The following PRAM1 variants were observed in gnomAD, a reference collection of about 807,000 sequenced individuals.
The protein encoded by PRAM1 is PML-RARA-regulated adapter molecule 1.
In PRAM1, 41 loss-of-function variants were observed where a neutral mutation model predicts 55.3. The ratio of observed to expected loss-of-function variants is 0.74; its 90% CI spans 0.58 to 0.96. PRAM1 has a LOEUF of 0.96. PRAM1 is among the 40% of genes least tolerant of loss of function. The pLI is 0.00. For missense variants in PRAM1, 898 were observed against 892.7 expected (o/e 1.01, Z -0.08); for synonymous variants, 401 against 387.1 (o/e 1.04, Z -0.42).
chr19:8,498,313 G>A, intron 2 of PRAM1, 24 bp from the exon 3 acceptor site: 1 of 1,607,472 alleles, frequency 6.2e-7, no homozygotes, highest in Admixed American at 1.7e-5. Flanking sequence ...AGTAGGGCAG[G>A]GAAGCCGGCA....
chr19:8,499,678 G>T lies in PRAM1; in HGVS notation c.130C>A (p.Leu44Met). ...KKPPKPEFGK[L>M]KKFSQPELSE... ...AGCTCAGGCTGGGAGAACTTCTTCA[G>T]TTTACCAAACTCAGGCTTCGGAGGT... Residue 44 changes from leucine to methionine, a missense_variant, in exon 2 of 10, where the codon CTG (leucine) becomes ATG (methionine). Leu to Met is a conservative substitution (Grantham distance 15). Transcript: ENST00000423345. 6.2e-7 allele frequency: 1 copy of T among 1,613,856 alleles called. No homozygotes were observed. Among genetic ancestry groups the T allele is most frequent in the Non-Finnish European group, 8.5e-7 (1 of 1,179,838 alleles).
intron 4 of PRAM1, 49 bp from the exon 5 acceptor site, chr19:8,491,206 CTTTACCCTGGTAGCT>C (rs895414091): frequency 1.3e-6 from 2 of 1,560,724 alleles, no homozygotes; most frequent in African/African-American, 2.7e-5. Context: ...CCGGCTCAGC[CTTTACCCTGGTAGCT>C]GTTTTTTGTT....
chr19:8,495,000 C>T (rs1166943846), intron 4 of PRAM1, among the ~76,000 whole-genome samples: 8 of 151,370 alleles, frequency 5.3e-5, no homozygotes, highest in East Asian at 3.9e-4. Context: ...AGTGCAGCGG[C>T]GCGATGTCAG....
At chr19:8,497,435 C>T (rs1568315934) in intron 4 of PRAM1, among the ~76,000 whole-genome samples, 1 of 152,136 alleles carries the variant, frequency 6.6e-6, no homozygotes, top group Admixed American at 6.6e-5. Flanking sequence ...CTTGGCCTCA[C>T]AAAGCCCTGG....
rs1183932125 is a variant in PRAM1 at position 8,490,780 on chromosome 19, T to C, written c.1744-24A>G. 1 of 1,607,170 alleles carries C rather than the reference T, an allele frequency of 6.2e-7. No homozygotes were observed. Among genetic ancestry groups the C allele is most frequent in the South Asian group, 1.1e-5 (1 of 91,074 alleles). ...AACTGGGGCGCGAGATGTTAGGGCC[T>C]CTGCTTGTGCTGCCGCCCTTGGGCC... On this transcript the variant is annotated intron_variant, in intron 6 of 9. Coordinates refer to ENST00000423345, the MANE Select transcript of PRAM1 (RefSeq NM_032152.5). The surrounding 1 kb of genome is among the most constrained non-coding windows in gnomAD (Gnocchi z 7.3).
Position 8,490,699 on chromosome 19 carries a change from G to A in PRAM1, c.1801C>T (p.Arg601Cys), listed in dbSNP as rs566406955. The A allele has an allele frequency of 5.6e-6, 9 of 1,609,876 alleles. No individual in the cohort carries two copies. Among genetic ancestry groups the A allele is most frequent in the South Asian group, 5.5e-5 (5 of 90,586 alleles). ...CCGAGGTGCTTGCCACCCCCGCGAC[G>A]TGTCTTAGCGTTGGGGTCGATCATC... is the stretch of plus-strand genomic sequence containing the variant. ...KMMIDPNAKT[R>C]RGGGKHLGIR... The change falls in exon 7 of 10, where the codon CGT (arginine) becomes TGT (cysteine). Residue 601 changes from arginine to cysteine, a missense_variant. Around this residue, in one of 4 missense-constraint regions of PRAM1, gnomAD observed 787 missense variants for 735.4 expected, o/e 1.07. Coordinates refer to ENST00000423345, the MANE Select transcript of PRAM1 (RefSeq NM_032152.5). This position sits in a 1 kb window ranked among gnomAD's most constrained non-coding sequence, Gnocchi z 7.3.
At chr19:8,494,229 T>G (rs1276248269) in intron 4 of PRAM1, among the ~76,000 whole-genome samples, 3 of 152,120 alleles carry the variant, frequency 2.0e-5, no homozygotes, top group African/African-American at 7.2e-5. Flanking sequence ...GCTCCTAGCC[T>G]CGGAAGAGGT....
At position 8,493,308 on chromosome 19, in the gene PRAM1, A is replaced by T. The variant is rs1193145141; in HGVS notation, c.1577-2151T>A. ...CCCTCCAAGCAGCCCAAGGAGCAGC[A>T]CCTGAATCGTGCCCGCCAGATACCA... On this transcript the variant is annotated intron_variant, in intron 4 of 9. Transcript: ENST00000423345. This position sits in a 1 kb window ranked among gnomAD's most constrained non-coding sequence, Gnocchi z 4.1. 2.6e-5 allele frequency among the ~76,000 whole-genome samples: 4 copies of T among 152,194 alleles called. No homozygotes were observed. The highest frequency in any genetic ancestry group is 9.6e-5 in the African/African-American group (4 of 41,454).
At position 8,491,065 on chromosome 19, in the gene PRAM1, G is replaced by A. The variant is rs747049418; in HGVS notation, c.1634+35C>T. ...GCTCCTCTGGGGGTTCCTGGAGCTCGCCCCCCGTCTGCCCACCCCCTCTGC... is the reference window on the plus strand; with the variant it reads ...GCTCCTCTGGGGGTTCCTGGAGCTCACCCCCCGTCTGCCCACCCCCTCTGC... On this transcript the variant is annotated intron_variant, in intron 5 of 9. Transcript: ENST00000423345. 29 of 1,611,150 alleles carry A rather than the reference G, an allele frequency of 1.8e-5. No individual in the cohort carries two copies. The Middle Eastern group carries it at 1.2e-3, about 64-fold the overall frequency.
chr19:8,495,127 TCTCA>T (rs913460517), intron 4 of PRAM1, among the ~76,000 whole-genome samples: 6 of 149,184 alleles, frequency 4.0e-5, no homozygotes, highest in African/African-American at 1.5e-4. Context: ...TGAGATTGAG[TCTCA>T]CTCTGTCGCC....
At chr19:8,491,219 G>C (rs1971625422) in intron 4 of PRAM1, 62 bp from the exon 5 acceptor site, 1 of 1,508,582 alleles carries the variant, frequency 6.6e-7, no homozygotes, top group Non-Finnish European at 9.0e-7. Flanking sequence ...TACCCTGGTA[G>C]CTGTTTTTTG....
intron 4 of PRAM1, chr19:8,491,627 C>G (rs1386714997): frequency 5.1e-6 from 1 of 197,870 alleles, no homozygotes; most frequent in East Asian, 1.4e-4. Context: ...TGCCCACCTT[C>G]TTCCGCAAGC....
chr19:8,502,562 C>T lies in PRAM1; in HGVS notation c.27+3G>A, dbSNP rs1258029164. On this transcript the variant is annotated splice_donor_region_variant and intron_variant, in intron 1 of 9. Transcript: ENST00000423345. ...TGAGGCACAGGCCTCTTCCAGCACTCACCATGGCTGCAGGCAGGTGATGGG... is the reference window on the plus strand; with the variant it reads ...TGAGGCACAGGCCTCTTCCAGCACTTACCATGGCTGCAGGCAGGTGATGGG... 6.5e-7 allele frequency: 1 copy of T among 1,544,042 alleles called. No individual in the cohort carries two copies. Among genetic ancestry groups the T allele is most frequent in the African/African-American group, 1.4e-5 (1 of 72,676 alleles).
At chr19:8,497,601 A>G (rs547883991) in intron 4 of PRAM1, among the ~76,000 whole-genome samples, 163 bp downstream of exon 4, 5 of 152,266 alleles carry the variant, frequency 3.3e-5, no homozygotes, top group African/African-American at 1.2e-4. Flanking sequence ...TCTGCCTACA[A>G]CAGCCTTCTC....
chr19:8,495,997 T>C, intron 4 of PRAM1: 1 of 452,944 alleles, frequency 2.2e-6, no homozygotes, highest in South Asian at 1.6e-5. Context: ...CACAAACTTC[T>C]AAGAAACCTT....
intron 4 of PRAM1, among the ~76,000 whole-genome samples, chr19:8,495,807 G>C (rs1971692313): frequency 6.6e-6 from 1 of 151,620 alleles, no homozygotes; most frequent in Admixed American, 6.6e-5. Flanking sequence ...TTTCATGAAG[G>C]CATTAACTTT....
intron 5 of PRAM1, 35 bp downstream of exon 5, chr19:8,491,065 G>GC (rs749377339): frequency 3.1e-6 from 5 of 1,611,150 alleles, no homozygotes; most frequent in Middle Eastern, 1.6e-4. Context: ...CCTGGAGCTC[G>GC]CCCCCCGTCT....
chr19:8,502,144 G>A (rs1430451619), intron 1 of PRAM1, among the ~76,000 whole-genome samples: 1 of 152,184 alleles, frequency 6.6e-6, no homozygotes, highest in Non-Finnish European at 1.5e-5. Context: ...GTGCTCCCGG[G>A]CGACCACAGG....
chr19:8,496,475 A>T, intron 4 of PRAM1, among the ~76,000 whole-genome samples: 1 of 152,156 alleles, frequency 6.6e-6, no homozygotes. Context: ...CTGTAATCCC[A>T]GCACTTGTGG....
Sources: allele counts gnomAD v4.1 joint callset (sites outside exome capture counted in the v4.1 genomes callset), GRCh38; gene constraint gnomAD v4.1.1; regional missense constraint gnomAD v4.1.1; non-coding constraint Gnocchi (gnomAD v3.1); transcripts MANE v1.5; gene names NCBI Gene and HGNC (gene_info 2026-07-23, HGNC 2026-07-21).